DLG2: variants seen among roughly 807,000 people sequenced by gnomAD.
The protein encoded by DLG2 is disks large homolog 2.
In DLG2, 45 loss-of-function variants were observed where a neutral mutation model predicts 132.5. That is an observed-to-expected ratio of 0.34 (90% confidence interval 0.27 to 0.44). The LOEUF (loss-of-function observed/expected upper bound fraction) is 0.44. Among genes scored for constraint, DLG2 ranks in the 20% least tolerant of loss-of-function variants. DLG2 has a pLI of 1.00. For missense variants in DLG2, 1,045 were observed against 1,196.9 expected (o/e 0.87, Z 1.87); for synonymous variants, 424 against 419.6 (o/e 1.01, Z -0.13).
chr11:85,465,321 A>G (rs578228409), intron 3 of DLG2, among the ~76,000 whole-genome samples: 1 of 151,532 alleles, frequency 6.6e-6, no homozygotes, highest in Non-Finnish European at 1.5e-5. Flanking sequence ...TTTTTTAATT[A>G]TACTTTAAGT....
chr11:84,141,206 T>G (rs917488607), intron 9 of DLG2, among the ~76,000 whole-genome samples: 39 of 152,026 alleles, frequency 2.6e-4, no homozygotes, highest in African/African-American at 9.4e-4. Flanking sequence ...TTTATTTTCC[T>G]ATCTATCTAT....
chr11:84,181,238 G>C (rs2096118572), intron 8 of DLG2, among the ~76,000 whole-genome samples: 1 of 151,788 alleles, frequency 6.6e-6, no homozygotes, highest in Non-Finnish European at 1.5e-5. Context: ...TTTGTTATAA[G>C]ACACTTGTAC....
At chr11:84,041,152 T>C (rs959059618) in intron 11 of DLG2, among the ~76,000 whole-genome samples, 11 of 152,158 alleles carry the variant, frequency 7.2e-5, no homozygotes, top group African/African-American at 2.6e-4. Context: ...AAAAGCTGAA[T>C]GGCATTACAG....
intron 4 of DLG2, among the ~76,000 whole-genome samples, chr11:85,216,820 C>T (rs367600746): frequency 2.0e-5 from 3 of 152,040 alleles, no homozygotes; most frequent in Non-Finnish European, 4.4e-5. Flanking sequence ...CTCAGCCTCC[C>T]GAATAGCTGG....
chr11:85,464,310 G>C (rs908510736), intron 3 of DLG2, among the ~76,000 whole-genome samples: 2 of 152,126 alleles, frequency 1.3e-5, no homozygotes, highest in African/African-American at 4.8e-5. Context: ...ACTGCTGTGA[G>C]ACCAGCCCTC....
chr11:84,637,965 T>C (rs1344867846), intron 6 of DLG2, among the ~76,000 whole-genome samples: 1 of 152,258 alleles, frequency 6.6e-6, no homozygotes, highest in Non-Finnish European at 1.5e-5. Flanking sequence ...ATGACTTCAG[T>C]GGCTTTCTTA....
At chr11:85,334,685 A>C (rs1190672098) in intron 3 of DLG2, among the ~76,000 whole-genome samples, 2 of 152,216 alleles carry the variant, frequency 1.3e-5, no homozygotes, top group Non-Finnish European at 2.9e-5. Context: ...TTCTTTACCC[A>C]ATAACAATTC....
chr11:84,271,897 G>A (rs1479387668), intron 7 of DLG2, among the ~76,000 whole-genome samples: 6 of 143,160 alleles, frequency 4.2e-5, no homozygotes, highest in African/African-American at 7.9e-5. Flanking sequence ...GGATGGCTCC[G>A]TGAACGAGGA....
At chr11:83,796,214 C>T (rs116110147) in intron 17 of DLG2, among the ~76,000 whole-genome samples, 1 of 152,290 alleles carries the variant, frequency 6.6e-6, no homozygotes, top group Non-Finnish European at 1.5e-5. Context: ...CATCTAACCT[C>T]CATGTGACAC....
intron 9 of DLG2, among the ~76,000 whole-genome samples, chr11:84,143,637 T>C (rs1264418490): frequency 6.6e-6 from 1 of 152,206 alleles, no homozygotes; most frequent in African/African-American, 2.4e-5. Context: ...TTGTAAACTC[T>C]GAATTCTAAC....
intron 19 of DLG2, among the ~76,000 whole-genome samples, chr11:83,563,387 T>C (rs1326295751): frequency 2.0e-5 from 3 of 152,136 alleles, no homozygotes; most frequent in Non-Finnish European, 4.4e-5. Context: ...CCACAGGACT[T>C]TGGGATGGTT....
At chr11:85,486,346 AGGCC>A (rs1211290695) in intron 3 of DLG2, among the ~76,000 whole-genome samples, 1 of 152,142 alleles carries the variant, frequency 6.6e-6, no homozygotes, top group Non-Finnish European at 1.5e-5. Flanking sequence ...TCCTGGTGGT[AGGCC>A]CACAGCACAG....
intron 6 of DLG2, among the ~76,000 whole-genome samples, chr11:85,096,217 G>A (rs1272323927): frequency 6.6e-6 from 1 of 152,192 alleles, no homozygotes; most frequent in East Asian, 1.9e-4. Flanking sequence ...ACCCGCGCCA[G>A]CAGTGGCAAC....
chr11:85,054,300 C>A (rs1339835028), intron 6 of DLG2, among the ~76,000 whole-genome samples: 1 of 150,860 alleles, frequency 6.6e-6, no homozygotes, highest in South Asian at 2.1e-4. Context: ...AAAAGAAATG[C>A]AAATCAAAAT....
intron 21 of DLG2, among the ~76,000 whole-genome samples, chr11:83,497,534 C>CAA (rs201552213): frequency 0.033 from 2,739 of 84,200 alleles, 54 homozygotes; most frequent in African/African-American, 0.072. Context: ...GACTTCGTCT[C>CAA]AAAAACAAAA....
At chr11:85,239,449 T>G (rs2075767307) in intron 4 of DLG2, among the ~76,000 whole-genome samples, 1 of 152,088 alleles carries the variant, frequency 6.6e-6, no homozygotes, top group Non-Finnish European at 1.5e-5. Flanking sequence ...ACTTTATTCA[T>G]TCATGACATA....
At chr11:84,859,844 TC>T (rs1340789468) in intron 6 of DLG2, among the ~76,000 whole-genome samples, 1 of 152,024 alleles carries the variant, frequency 6.6e-6, no homozygotes, top group Non-Finnish European at 1.5e-5. Flanking sequence ...TTAAAAAAAA[TC>T]AACTGTTTCA....
intron 5 of DLG2, among the ~76,000 whole-genome samples, chr11:85,151,792 TG>T (rs1274709816): frequency 2.6e-5 from 4 of 152,346 alleles, no homozygotes; most frequent in African/African-American, 9.6e-5. Flanking sequence ...ACTGTTGCTT[TG>T]TAGTAAGCTT....
chr11:84,846,852 C>T (rs916290079), intron 6 of DLG2, among the ~76,000 whole-genome samples: 1 of 152,046 alleles, frequency 6.6e-6, no homozygotes, highest in Non-Finnish European at 1.5e-5. Context: ...TTAAAAATAT[C>T]CATGTATAAA....
Sources: gnomAD v4.1 joint callset for allele counts (sites outside exome capture counted in the v4.1 genomes callset) on GRCh38, gnomAD v4.1.1 for gene constraint, MANE v1.5 for transcripts, NCBI Gene and HGNC (gene_info 2026-07-23, HGNC 2026-07-21) for gene names.